Variants in RIN2 observed in about 807,000 individuals in gnomAD.
RIN2 encodes the protein RAB5 interacting protein 2.
In RIN2, 36 loss-of-function variants were observed where a neutral mutation model predicts 78.0. The observed-to-expected ratio is 0.46, with a 90% CI of 0.35 to 0.61. The LOEUF (loss-of-function observed/expected upper bound fraction) is 0.61. RIN2 is among the 20% of genes least tolerant of loss of function. The pLI is 0.00. For synonymous variants in RIN2, 466 were observed against 466.8 expected (o/e 1.00, Z 0.02); for missense variants, 1,087 against 1,159.7 (o/e 0.94, Z 0.91).
chr20:19,977,088 T>G (rs147829472), intron 9 of RIN2, among the ~76,000 whole-genome samples: 25 of 152,284 alleles, frequency 1.6e-4, no homozygotes, highest in African/African-American at 5.8e-4. Context: ...GGCTGCCTTT[T>G]TCCCCATCCC....
At chr20:19,803,078 G>A (rs529926631) in intron 2 of RIN2, among the ~76,000 whole-genome samples, 5 of 152,264 alleles carry the variant, frequency 3.3e-5, no homozygotes, top group Admixed American at 1.3e-4. Context: ...ACTGATTAGT[G>A]AAAAAGGCCA....
At chr20:19,828,672 C>T (rs139986943) in intron 2 of RIN2, among the ~76,000 whole-genome samples, 1 of 152,144 alleles carries the variant, frequency 6.6e-6, no homozygotes, top group Non-Finnish European at 1.5e-5. Context: ...GCTTAGTACT[C>T]TCCAAAAGAA....
intron 2 of RIN2, among the ~76,000 whole-genome samples, chr20:19,874,901 C>T (rs2037808752): frequency 1.3e-5 from 2 of 152,060 alleles, no homozygotes; most frequent in Admixed American, 6.6e-5. Context: ...CACTCCATCA[C>T]CCAGACTGGA....
At chr20:19,808,662 T>C (rs962785543) in intron 2 of RIN2, among the ~76,000 whole-genome samples, 1 of 152,188 alleles carries the variant, frequency 6.6e-6, no homozygotes, top group Non-Finnish European at 1.5e-5. Flanking sequence ...TCCGGTTAGC[T>C]GTCCACAGGT....
chr20:19,888,220 G>T (rs184285258), intron 2 of RIN2, among the ~76,000 whole-genome samples: 3 of 152,260 alleles, frequency 2.0e-5, no homozygotes, highest in African/African-American at 7.2e-5. Flanking sequence ...TGGAAGGAGG[G>T]GTGGGATGCT....
chr20:19,912,776 C>T (rs891936913), intron 3 of RIN2, among the ~76,000 whole-genome samples: 4 of 152,036 alleles, frequency 2.6e-5, no homozygotes, highest in Admixed American at 1.3e-4. Flanking sequence ...ACCACGACCA[C>T]GCCGGGATGG....
At chr20:19,803,169 C>T (rs2035299915) in intron 2 of RIN2, among the ~76,000 whole-genome samples, 1 of 152,088 alleles carries the variant, frequency 6.6e-6, no homozygotes, top group South Asian at 2.1e-4. Context: ...TCTCTTTTAC[C>T]TGTCTATTTT....
intron 12 of RIN2, among the ~76,000 whole-genome samples, chr20:19,997,909 C>A (rs1601096915): frequency 6.6e-6 from 1 of 151,826 alleles, no homozygotes; most frequent in East Asian, 1.9e-4. Flanking sequence ...TTCTATGTTC[C>A]CCATGATGAG....
chr20:19,770,867 G>GCC (rs1248928712), intron 1 of RIN2, among the ~76,000 whole-genome samples: 12 of 56,650 alleles, frequency 2.1e-4, no homozygotes, highest in East Asian at 4.6e-4. Context: ...TCACAAGACT[G>GCC]CCCCCACCCC....
chr20:19,887,722 T>G (rs937380992), intron 2 of RIN2, among the ~76,000 whole-genome samples: 1 of 152,152 alleles, frequency 6.6e-6, no homozygotes, highest in African/African-American at 2.4e-5. Flanking sequence ...TATGGAAAAC[T>G]TCAGAACAGA....
chr20:19,909,931 A>C (rs1000233530), intron 3 of RIN2, among the ~76,000 whole-genome samples: 1 of 152,128 alleles, frequency 6.6e-6, no homozygotes, highest in African/African-American at 2.4e-5. Context: ...CTTGAGCAGG[A>C]AAAGGTGGGG....
rs535986877 is a variant in RIN2, at chr20:19,975,678, C to A, written c.1653C>A (p.Thr551=). The part of the protein sequence containing the change: ...QENKECHVSS[T]DMLQTIRQFM... Reference sequence around the variant, plus strand: ...ACAAGGAGTGCCACGTGTCCAGCACCGACATGCTGCAGACCATCCGGCAGT... The same window carrying A: ...ACAAGGAGTGCCACGTGTCCAGCACAGACATGCTGCAGACCATCCGGCAGT... Residue 551 remains threonine (T), a synonymous_variant, in exon 9 of 13, where the codon ACC becomes ACA. Transcript: ENST00000255006. This position sits in a 1 kb window ranked among gnomAD's most constrained non-coding sequence, Gnocchi z 4.9. The A allele has an allele frequency of 6.2e-7, 1 of 1,613,530 alleles. No individual in the cohort carries two copies. The highest frequency in any genetic ancestry group is 1.7e-5 in the Admixed American group (1 of 59,996).
At chr20:19,989,489 T>A (rs1213502821) in intron 9 of RIN2, among the ~76,000 whole-genome samples, 1 of 152,138 alleles carries the variant, frequency 6.6e-6, no homozygotes, top group East Asian at 1.9e-4. Flanking sequence ...TTGATCAGGC[T>A]GGTCTCCAAC....
chr20:19,790,734 G>C (rs2034863137), intron 1 of RIN2, among the ~76,000 whole-genome samples: 1 of 152,056 alleles, frequency 6.6e-6, no homozygotes, highest in Non-Finnish European at 1.5e-5. Flanking sequence ...CTTCATGTCT[G>C]TCACCTTCTT....
intron 9 of RIN2, among the ~76,000 whole-genome samples, chr20:19,988,311 G>A (rs1329800581): frequency 6.6e-6 from 1 of 152,146 alleles, no homozygotes; most frequent in East Asian, 1.9e-4. Flanking sequence ...GTAGTGATGG[G>A]ATTTCGCTGT....
intron 3 of RIN2, among the ~76,000 whole-genome samples, chr20:19,922,249 C>T (rs1400668992): frequency 6.6e-6 from 1 of 152,152 alleles, no homozygotes; most frequent in Non-Finnish European, 1.5e-5. Flanking sequence ...AGGATATTTA[C>T]ACCCCAACAC....
chr20:19,771,062 A>T (rs1199205891), intron 1 of RIN2, among the ~76,000 whole-genome samples: 3 of 152,230 alleles, frequency 2.0e-5, no homozygotes, highest in Non-Finnish European at 4.4e-5. Flanking sequence ...AAGGATACAG[A>T]TGAAGAGAAG....
At chr20:19,902,879 G>A (rs552918942) in intron 3 of RIN2, among the ~76,000 whole-genome samples, 1 of 152,246 alleles carries the variant, frequency 6.6e-6, no homozygotes, top group African/African-American at 2.4e-5. Flanking sequence ...GGATCACAAT[G>A]TCAGGAGATT....
intron 2 of RIN2, among the ~76,000 whole-genome samples, chr20:19,859,891 T>C (rs1246400650): frequency 6.6e-6 from 1 of 152,200 alleles, no homozygotes; most frequent in Non-Finnish European, 1.5e-5. Context: ...ATTTGGGAGA[T>C]GATCCCCAGA....
Sources: gnomAD v4.1 joint callset for allele counts (sites outside exome capture counted in the v4.1 genomes callset) on GRCh38, gnomAD v4.1.1 for gene constraint, Gnocchi (gnomAD v3.1) non-coding constraint, MANE v1.5 for transcripts, NCBI Gene and HGNC (gene_info 2026-07-23, HGNC 2026-07-21) for gene names.